Variants in BEND7 observed in about 807,000 individuals in gnomAD.
BEND7 encodes the protein BEN domain containing 7, also known as BEN domain-containing protein 7.
BEND7 carries 28 observed loss-of-function variants against 50.9 expected under a neutral mutation model. The observed-to-expected ratio is 0.55, with a 90% CI of 0.41 to 0.75. BEND7 has a LOEUF of 0.75. Among genes scored for constraint, BEND7 ranks in the 30% least tolerant of loss-of-function variants. The probability of loss-of-function intolerance (pLI) is 0.00; values close to 1 mark genes in which losing one functional copy is unlikely to be tolerated. For synonymous variants in BEND7, 170 were observed against 183.9 expected, an observed-to-expected ratio of 0.92 and a Z score of 0.61; for missense variants, 477 against 491.3, an observed-to-expected ratio of 0.97 and a Z score of 0.28.
chr10:13,498,142 C>G (rs922260776), intron 3 of BEND7, among the ~76,000 whole-genome samples: 5 of 132,100 alleles, frequency 3.8e-5, no homozygotes, highest in African/African-American at 8.7e-5. Flanking sequence ...CTGGTATGAT[C>G]TTGGTTCACT....
intron 7 of BEND7, among the ~76,000 whole-genome samples, chr10:13,451,660 G>A (rs1010554052): frequency 1.6e-4 from 24 of 151,824 alleles, no homozygotes; most frequent in African/African-American, 5.6e-4. Flanking sequence ...TGCACAACGT[G>A]CAGGTTTGTT....
At chr10:13,490,253 C>T (rs2076554414) in intron 5 of BEND7, among the ~76,000 whole-genome samples, 1 of 152,226 alleles carries the variant, frequency 6.6e-6, no homozygotes, top group Non-Finnish European at 1.5e-5. Context: ...GCATGGGTTT[C>T]CAGTGTCACT....
intron 6 of BEND7, among the ~76,000 whole-genome samples, chr10:13,467,944 C>T (rs2074418986): frequency 6.6e-6 from 1 of 152,082 alleles, no homozygotes; most frequent in Admixed American, 6.6e-5. Flanking sequence ...ACAAAGCAAA[C>T]ATAAAACGTG....
intron 6 of BEND7, among the ~76,000 whole-genome samples, chr10:13,469,552 C>CTG (rs1158661016): frequency 6.6e-6 from 1 of 152,226 alleles, no homozygotes; most frequent in East Asian, 1.9e-4. Flanking sequence ...TCTCGGCTCA[C>CTG]TGCAACCTCC....
chr10:13,491,768 A>C (rs2076680830), intron 5 of BEND7, among the ~76,000 whole-genome samples: 1 of 152,166 alleles, frequency 6.6e-6, no homozygotes, highest in Non-Finnish European at 1.5e-5. Context: ...TTTCCTACTT[A>C]AAGTTTAAAA....
chr10:13,525,676 G>A (rs753361894), intron 2 of BEND7, among the ~76,000 whole-genome samples: 4 of 152,206 alleles, frequency 2.6e-5, no homozygotes, highest in Admixed American at 6.5e-5. Flanking sequence ...CCACAGAGGT[G>A]AAGGGACATT....
At chr10:13,515,334 T>C (rs993588181) in intron 2 of BEND7, among the ~76,000 whole-genome samples, 5 of 152,248 alleles carry the variant, frequency 3.3e-5, no homozygotes, top group African/African-American at 1.2e-4. Flanking sequence ...ATCACACATT[T>C]GGTTACCAGA....
At chr10:13,486,732 A>G (rs1487085083) in intron 5 of BEND7, among the ~76,000 whole-genome samples, 1 of 152,212 alleles carries the variant, frequency 6.6e-6, no homozygotes, top group African/African-American at 2.4e-5. Flanking sequence ...AGAGAATACA[A>G]TTTGGTCCCT....
intron 8 of BEND7, 89 bp downstream of exon 8, chr10:13,447,177 T>C: frequency 7.3e-7 from 1 of 1,370,088 alleles, no homozygotes; most frequent in Non-Finnish European, 1.0e-6. Flanking sequence ...AGTGTCTGCA[T>C]GTCTAATGTT....
chr10:13,504,192 G>A (rs148715370), intron 2 of BEND7, among the ~76,000 whole-genome samples: 22 of 152,304 alleles, frequency 1.4e-4, no homozygotes, highest in Non-Finnish European at 2.1e-4. Context: ...AGGCCGAGCC[G>A]TAGAAGCTCG....
chr10:13,481,081 T>C lies in BEND7; in HGVS notation c.881A>G (p.Lys294Arg). The change falls in exon 6 of 9, where the codon AAA becomes AGA. Residue 294 changes from lysine (K) to arginine (R), a missense_variant. Coordinates refer to ENST00000466271, the MANE Select transcript of BEND7 (RefSeq NM_001369863.1). ...TGACAATATAGAGTCCAGCTGAGAT[T>C]TAGGCATAAACACGTCAAAGCCTTC... is the stretch of plus-strand genomic sequence containing the variant. ...LAEGFDVFMP[K>R]SQLDSILSNY... 6.2e-7 allele frequency: 1 copy of C among 1,614,108 alleles called. No homozygotes were observed. The highest frequency in any genetic ancestry group is 8.5e-7 in the Non-Finnish European group (1 of 1,180,002).
intron 2 of BEND7, among the ~76,000 whole-genome samples, chr10:13,510,899 C>G (rs185030588): frequency 6.6e-6 from 1 of 151,980 alleles, no homozygotes; most frequent in Non-Finnish European, 1.5e-5. Context: ...AGTCAAGGGC[C>G]GGGCACAGTG....
chr10:13,476,509 C>G (rs997796811), intron 6 of BEND7, among the ~76,000 whole-genome samples: 26 of 152,148 alleles, frequency 1.7e-4, no homozygotes, highest in African/African-American at 6.3e-4. Context: ...ATAAAACTTT[C>G]TCAACTCATC....
chr10:13,470,496 G>C (rs1433199746), intron 6 of BEND7, among the ~76,000 whole-genome samples: 2 of 152,148 alleles, frequency 1.3e-5, no homozygotes, highest in African/African-American at 4.8e-5. Context: ...TGGAATCCTT[G>C]CAAGTGAATC....
At chr10:13,489,410 G>A (rs946339277) in intron 5 of BEND7, among the ~76,000 whole-genome samples, 6 of 152,198 alleles carry the variant, frequency 3.9e-5, no homozygotes, top group Admixed American at 1.3e-4. Flanking sequence ...ATGGGCACCC[G>A]CAAGTCCTTT....
At chr10:13,441,777 A>G (rs1835363201) in intron 8 of BEND7, 27 bp from the exon 9 acceptor site, 1 of 1,610,610 alleles carries the variant, frequency 6.2e-7, no homozygotes, top group South Asian at 1.1e-5. Context: ...GACTGTTGTC[A>G]GGAACGGGAT....
intron 6 of BEND7, among the ~76,000 whole-genome samples, chr10:13,468,528 G>GAAGT (rs1378577471): frequency 6.6e-6 from 1 of 152,234 alleles, no homozygotes; most frequent in African/African-American, 2.4e-5. Flanking sequence ...AGGCCAAGGG[G>GAAGT]AAGTAAGTAG....
intron 2 of BEND7, among the ~76,000 whole-genome samples, chr10:13,501,190 C>T (rs2077423644): frequency 6.6e-6 from 1 of 151,886 alleles, no homozygotes; most frequent in African/African-American, 2.4e-5. Flanking sequence ...GCCTGACCAA[C>T]ATGGAGAAAC....
At chr10:13,441,908 T>C in intron 8 of BEND7, 158 bp from the exon 9 acceptor site, 1 of 707,764 alleles carries the variant, frequency 1.4e-6, no homozygotes, top group Non-Finnish European at 2.4e-6. Flanking sequence ...GAGATGTAAC[T>C]TGTCTAGTAG....
Sources: allele counts gnomAD v4.1 joint callset (sites outside exome capture counted in the v4.1 genomes callset), GRCh38; gene constraint gnomAD v4.1.1; transcripts MANE v1.5; gene names NCBI Gene and HGNC (gene_info 2026-07-23, HGNC 2026-07-21).